SPTBN1: variants seen among roughly 807,000 people sequenced by gnomAD.
SPTBN1 encodes spectrin beta, non-erythrocytic 1.
A neutral mutation model predicts 266.4 loss-of-function variants in SPTBN1; 32 were observed. The observed-to-expected ratio is 0.12, with a 90% CI of 0.09 to 0.16. The LOEUF is 0.16. Among genes scored for constraint, SPTBN1 ranks in the 10% least tolerant of loss-of-function variants. SPTBN1 has a pLI of 1.00. For missense variants in SPTBN1, 2,296 were observed against 3,067.1 expected, an observed-to-expected ratio of 0.75 and a Z score of 5.94; for synonymous variants, 1,336 against 1,162.2, an observed-to-expected ratio of 1.15 and a Z score of -3.04.
At chr2:54,512,609 TA>T (rs1421080554) in intron 1 of SPTBN1, among the ~76,000 whole-genome samples, 1 of 152,224 alleles carries the variant, frequency 6.6e-6, no homozygotes, top group Admixed American at 6.5e-5. Context: ...ACTGCAATCC[TA>T]TCCAAATATG....
intron 18 of SPTBN1, among the ~76,000 whole-genome samples, chr2:54,640,777 C>T (rs374629127): frequency 6.6e-6 from 1 of 152,202 alleles, no homozygotes; most frequent in East Asian, 1.9e-4. Flanking sequence ...GTCTTGAACT[C>T]CTGGCCTCAA....
intron 1 of SPTBN1, among the ~76,000 whole-genome samples, chr2:54,485,779 A>C (rs1668337505): frequency 6.8e-6 from 1 of 146,736 alleles, no homozygotes. Flanking sequence ...CACATCTAGG[A>C]AGTGAGGAGC....
chr2:54,507,900 G>T (rs1558789473), intron 1 of SPTBN1, among the ~76,000 whole-genome samples: 6 of 151,912 alleles, frequency 3.9e-5, no homozygotes. Flanking sequence ...ATTAGAAACG[G>T]CTAGGAGAGA....
intron 1 of SPTBN1, among the ~76,000 whole-genome samples, chr2:54,457,652 C>T (rs1317825050): frequency 6.6e-6 from 1 of 152,206 alleles, no homozygotes; most frequent in African/African-American, 2.4e-5. Flanking sequence ...CCTTGGTTCT[C>T]GCTGGCGGGG....
intron 2 of SPTBN1, among the ~76,000 whole-genome samples, chr2:54,531,419 C>T (rs1671230539): frequency 6.6e-6 from 1 of 152,096 alleles, no homozygotes; most frequent in Non-Finnish European, 1.5e-5. Flanking sequence ...GGCAGGGTGT[C>T]AGCTGGTTTT....
chr2:54,628,007 A>C lies in SPTBN1; in HGVS notation c.1645-90A>C. On this transcript the variant is annotated intron_variant, in intron 12 of 35. Transcript: ENST00000356805. The surrounding 1 kb of genome is among the most constrained non-coding windows in gnomAD (Gnocchi z 4.3). ...CAGACTAGAGGGAAGGCATAGCTTC[A>C]TTGCTGGCTCTCTGCTTGTCGAAAG... 6.8e-7 allele frequency: 1 copy of C among 1,472,912 alleles called. No individual in the cohort carries two copies. 91.2% of individuals were successfully genotyped at this position (1,472,912 alleles called of 1,614,324 possible).
At chr2:54,489,207 C>T (rs1019088907) in intron 1 of SPTBN1, among the ~76,000 whole-genome samples, 1 of 149,272 alleles carries the variant, frequency 6.7e-6, no homozygotes, top group Non-Finnish European at 1.5e-5. Context: ...TACAGTCCCA[C>T]CTACTCAGGA....
chr2:54,549,900 G>A (rs985857868), intron 2 of SPTBN1, among the ~76,000 whole-genome samples: 2 of 152,162 alleles, frequency 1.3e-5, no homozygotes, highest in African/African-American at 2.4e-5. Context: ...AAGAGATGGG[G>A]ACAGACATTT....
intron 1 of SPTBN1, among the ~76,000 whole-genome samples, chr2:54,486,763 C>T (rs1163855226): frequency 2.0e-5 from 3 of 150,770 alleles, no homozygotes; most frequent in Admixed American, 2.0e-4. Context: ...AATCTAAGTT[C>T]TAACCATAGA....
At chr2:54,475,208 A>G (rs74481773) in intron 1 of SPTBN1, among the ~76,000 whole-genome samples, 5,672 of 152,230 alleles carry the variant, frequency 0.037, 290 homozygotes, top group East Asian at 0.13. Flanking sequence ...CTCCGTCTCA[A>G]AAAAGAAAAA....
At chr2:54,528,730 T>C (rs1670997787) in intron 2 of SPTBN1, 1 of 151,296 alleles carries the variant, frequency 6.6e-6, no homozygotes, top group Admixed American at 6.6e-5. Flanking sequence ...TAAAGCTCAT[T>C]GGCAGAGAGC....
rs1283216186 is a variant in SPTBN1 at position 54,486,496 on chromosome 2, C to T, written c.-48+29978C>T. Among the ~76,000 whole-genome samples, 5 of 152,198 alleles carry T rather than the reference C, an allele frequency of 3.3e-5. 1 individual carries two copies. The highest frequency in any genetic ancestry group is 1.2e-4 in the African/African-American group (5 of 41,534). ...TGGATTAAGGGCGGTGCAAGATGTGCTTTGTTAAACAGATGCTTGAAGGCA... is the reference window on the plus strand; with the variant it reads ...TGGATTAAGGGCGGTGCAAGATGTGTTTTGTTAAACAGATGCTTGAAGGCA... On this transcript the variant is annotated intron_variant, in intron 1 of 35. Transcript: ENST00000356805.
chr2:54,622,611 A>G (rs566088284), intron 9 of SPTBN1, 124 bp downstream of exon 9: 1 of 1,086,108 alleles, frequency 9.2e-7, no homozygotes, highest in South Asian at 1.7e-5. Context: ...AGTGTGTCCT[A>G]CTCCTTTTCA....
intron 1 of SPTBN1, among the ~76,000 whole-genome samples, chr2:54,514,739 C>T (rs777989877): frequency 2.4e-4 from 37 of 152,192 alleles, no homozygotes; most frequent in Admixed American, 5.9e-4. Context: ...TTCAAGTGTT[C>T]GAAACTGCCG....
At chr2:54,568,295 A>T (rs1316919056) in intron 2 of SPTBN1, among the ~76,000 whole-genome samples, 1 of 143,784 alleles carries the variant, frequency 7.0e-6, no homozygotes, top group African/African-American at 2.6e-5. Context: ...AGTTGCAGTG[A>T]GTCGAGATTG....
chr2:54,647,128 C>T lies in SPTBN1; in HGVS notation c.4867-3C>T. On this transcript the variant is annotated splice_polypyrimidine_tract_variant and splice_region_variant and intron_variant, in intron 23 of 35. Coordinates refer to ENST00000356805, the MANE Select transcript of SPTBN1 (RefSeq NM_003128.3). ...TGGTTGTGATGTTCTCCTGTCTTTG[C>T]AGGATGAGCAGAGTGCTGTCTCCAT... 1 of 1,614,142 alleles carries T rather than the reference C, an allele frequency of 6.2e-7. No homozygotes were observed. Among genetic ancestry groups the T allele is most frequent in the Non-Finnish European group, 8.5e-7 (1 of 1,180,026 alleles).
intron 1 of SPTBN1, among the ~76,000 whole-genome samples, chr2:54,501,607 G>A (rs1371024666): frequency 6.6e-6 from 1 of 152,240 alleles, no homozygotes; most frequent in Non-Finnish European, 1.5e-5. Context: ...GATGGACTTG[G>A]TGGATTCTGA....
At chr2:54,522,741 G>A (rs374250979) in intron 1 of SPTBN1, among the ~76,000 whole-genome samples, 1 of 151,538 alleles carries the variant, frequency 6.6e-6, no homozygotes, top group East Asian at 1.9e-4. Flanking sequence ...AGAAATCTGT[G>A]GAAAGCAGTT....
In SPTBN1 at chr2:54,645,321, C is replaced by A; in HGVS notation, c.4362C>A (p.Asp1454Glu). 6.2e-7 allele frequency: 1 copy of A among 1,614,192 alleles called. No homozygotes were observed. The highest frequency in any genetic ancestry group is 8.5e-7 in the Non-Finnish European group (1 of 1,180,044). Reference protein sequence around the residue: ...QALSQEGKSTDEVDSKRLTVQ... With the variant: ...QALSQEGKSTEEVDSKRLTVQ... ...TGAGTCAGGAAGGGAAGAGCACCGA[C>A]GAGGTAGACAGCAAGCGCCTCACCG... The change falls in exon 21 of 36, where the codon GAC (aspartate) becomes GAA (glutamate). Residue 1454 changes from aspartate to glutamate, a missense_variant. Transcript: ENST00000356805. The surrounding 1 kb of genome is among the most constrained non-coding windows in gnomAD (Gnocchi z 4.3).
Sources: allele counts gnomAD v4.1 joint callset (sites outside exome capture counted in the v4.1 genomes callset), GRCh38; gene constraint gnomAD v4.1.1; non-coding constraint Gnocchi (gnomAD v3.1); transcripts MANE v1.5; gene names NCBI Gene and HGNC (gene_info 2026-07-23, HGNC 2026-07-21).